The following NADK variants were observed in gnomAD, a reference collection of about 807,000 sequenced individuals.
NADK encodes NAD kinase.
NADK carries 22 observed loss-of-function variants against 49.8 expected under a neutral mutation model. The ratio of observed to expected loss-of-function variants is 0.44; its 90% confidence interval spans 0.32 to 0.63. The LOEUF is 0.63. Among genes scored for constraint, NADK ranks in the 30% least tolerant of loss-of-function variants. The probability of loss-of-function intolerance (pLI) is 0.06; values close to 1 mark genes in which losing one functional copy is unlikely to be tolerated. For missense variants in NADK, 438 were observed against 609.4 expected, an observed-to-expected ratio of 0.72 and a Z score of 2.96; for synonymous variants, 268 against 253.7, an observed-to-expected ratio of 1.06 and a Z score of -0.54.
In NADK at chr1:1,761,940, C is replaced by T. The variant is rs1276361384; in HGVS notation, c.263+12G>A. Reference sequence around the variant, plus strand: ...TTCCAAGAACCCCCCGTCCTGGGGCCCCAGCACTCACATGATGGTCTGGGG... The same window carrying T: ...TTCCAAGAACCCCCCGTCCTGGGGCTCCAGCACTCACATGATGGTCTGGGG... On this transcript the variant is annotated intron_variant, in intron 3 of 11. Transcript: ENST00000341426. 1 of 1,613,698 alleles carries T rather than the reference C, an allele frequency of 6.2e-7. No homozygotes were observed. Among genetic ancestry groups the T allele is most frequent in the Admixed American group, 1.7e-5 (1 of 60,008 alleles).
Position 1,754,013 on chromosome 1 carries a change from G to A in NADK, c.1101+38C>T. On this transcript the variant is annotated intron_variant, in intron 10 of 11. Transcript: ENST00000341426. This position sits in a 1 kb window ranked among gnomAD's most constrained non-coding sequence, Gnocchi z 4.3. Reference sequence around the variant, plus strand: ...GGCTTTGTGTTGCACGGGGTCAAATGACTCACAAACCGGAAAAGGAGTGTC... The same window carrying A: ...GGCTTTGTGTTGCACGGGGTCAAATAACTCACAAACCGGAAAAGGAGTGTC... 6.5e-7 allele frequency: 1 copy of A among 1,538,782 alleles called. No individual in the cohort carries two copies. The highest frequency in any genetic ancestry group is 8.7e-7 in the Non-Finnish European group (1 of 1,145,348).
intron 1 of NADK, among the ~76,000 whole-genome samples, chr1:1,774,805 T>C (rs1196113657): frequency 6.6e-6 from 1 of 152,170 alleles, no homozygotes; most frequent in Non-Finnish European, 1.5e-5. Context: ...AGCATGAATC[T>C]AATTTTAAAA....
At chr1:1,759,305 C>G in intron 3 of NADK, 1 of 1,471,446 alleles carries the variant, frequency 6.8e-7, no homozygotes, top group Non-Finnish European at 9.0e-7. Context: ...ACGGAGAGGG[C>G]AGGGGGTGGC....
chr1:1,773,286 C>T (rs1351603673), intron 1 of NADK, among the ~76,000 whole-genome samples: 1 of 150,868 alleles, frequency 6.6e-6, no homozygotes, highest in East Asian at 2.1e-4. Context: ...ATTACAGGTG[C>T]CCGCCGCCAC....
intron 1 of NADK, among the ~76,000 whole-genome samples, chr1:1,766,652 G>A (rs1466188134): frequency 6.6e-6 from 1 of 151,358 alleles, no homozygotes; most frequent in Non-Finnish European, 1.5e-5. Context: ...AACTGGTGAG[G>A]ATAGAAAACC....
intron 3 of NADK, chr1:1,758,319 A>T: frequency 3.2e-6 from 5 of 1,570,672 alleles, no homozygotes; most frequent in Non-Finnish European, 4.3e-6. Flanking sequence ...AGGGCCACAG[A>T]CCTTAGCCCA....
At chr1:1,778,831 C>A (rs1017497631), upstream of NADK, 1 of 152,078 alleles carries the variant, frequency 6.6e-6, no homozygotes, top group Non-Finnish European at 1.5e-5. This position sits in a 1 kb window ranked among gnomAD's most constrained non-coding sequence, Gnocchi z 4.9. Flanking sequence ...CCCGGCGTCC[C>A]GCCCCCAACT....
At position 1,765,403 on chromosome 1, in the gene NADK, C is replaced by T. The variant is rs945313437; in HGVS notation, c.4G>A (p.Glu2Lys). The T allele has an allele frequency of 6.3e-7, 1 of 1,588,108 alleles. No homozygotes were observed. Among genetic ancestry groups the T allele is most frequent in the Non-Finnish European group, 8.6e-7 (1 of 1,164,506 alleles). Residue 2 changes from glutamate to lysine, a missense_variant, in exon 2 of 12, where the codon GAA (glutamate) becomes AAA (lysine). By Grantham distance (56) the Glu-to-Lys change is moderately conservative (BLOSUM62 1). Coordinates refer to ENST00000341426, the MANE Select transcript of NADK (RefSeq NM_023018.5). ...ATGGTCATTTTTTCTTGTTCCATTTCCATTGTCAGGAAATGAGAACTTCGG... is the reference window on the plus strand; with the variant it reads ...ATGGTCATTTTTTCTTGTTCCATTTTCATTGTCAGGAAATGAGAACTTCGG... M[E>K]MEQEKMTMNK... is the part of the protein sequence containing the mutation.
chr1:1,778,469 C>T lies in NADK; in HGVS notation c.-221G>A, dbSNP rs894804054. 2 of 148,050 alleles carry T rather than the reference C, an allele frequency of 1.4e-5. No homozygotes were observed. The highest frequency in any genetic ancestry group is 6.7e-5 in the Admixed American group (1 of 14,920). The allele number at this position is 148,050 out of a possible 1,614,324, so 9.2% of individuals were successfully genotyped here. On this transcript the variant is annotated 5_prime_UTR_variant, in exon 1 of 12. It adds an upstream start codon to the 5' untranslated region. Coordinates refer to ENST00000341426, the MANE Select transcript of NADK (RefSeq NM_023018.5). This position sits in a 1 kb window ranked among gnomAD's most constrained non-coding sequence, Gnocchi z 4.9. ...AGCAGCAATGCGCCGCGCCCGCCCA[C>T]TGCGCAGGCGCACCCGCCACGCATG...
chr1:1,759,590 A>G, intron 3 of NADK: 1 of 1,009,550 alleles, frequency 9.9e-7, no homozygotes, highest in Non-Finnish European at 1.4e-6. Context: ...ACGGAAGTTC[A>G]GATGCATGGG....
At chr1:1,760,550 G>A (rs146120481) in intron 3 of NADK, among the ~76,000 whole-genome samples, 275 of 152,286 alleles carry the variant, frequency 1.8e-3, no homozygotes, top group Non-Finnish European at 3.1e-3. Context: ...GGCCGCCCCC[G>A]TATCACACGG....
chr1:1,755,062 G>A (rs921920423), intron 7 of NADK, among the ~76,000 whole-genome samples: 10 of 152,054 alleles, frequency 6.6e-5, no homozygotes, highest in African/African-American at 1.7e-4. Context: ...CTCGTGATCC[G>A]CCCGCCTCGA....
At chr1:1,756,056 A>G in intron 6 of NADK, 1 of 609,320 alleles carries the variant, frequency 1.6e-6, no homozygotes, top group Non-Finnish European at 2.9e-6. Context: ...GGCCACCCCC[A>G]GCCGTAGCAC....
Position 1,761,936 on chromosome 1 carries a change from G to C in NADK, c.263+16C>G, listed in dbSNP as rs748905809. The C allele has an allele frequency of 6.2e-7, 1 of 1,613,640 alleles. No individual in the cohort carries two copies. The highest frequency in any genetic ancestry group is 1.7e-5 in the Admixed American group (1 of 60,010). Reference sequence around the variant, plus strand: ...TCCCTTCCAAGAACCCCCCGTCCTGGGGCCCCAGCACTCACATGATGGTCT... The same window carrying C: ...TCCCTTCCAAGAACCCCCCGTCCTGCGGCCCCAGCACTCACATGATGGTCT... On this transcript the variant is annotated intron_variant, in intron 3 of 11. Transcript: ENST00000341426.
At position 1,778,080 on chromosome 1, in the gene NADK, C is replaced by G. The variant is rs1230147220; in HGVS notation, c.-41+209G>C. On this transcript the variant is annotated intron_variant, in intron 1 of 11. Coordinates refer to ENST00000341426, the MANE Select transcript of NADK (RefSeq NM_023018.5). This position sits in a 1 kb window ranked among gnomAD's most constrained non-coding sequence, Gnocchi z 4.9. ...GCCGGACAGCGGCCTCCCTCAGACC[C>G]GTCCCCAAGGCCGAGCCTCGCCCTG... Among the ~76,000 whole-genome samples the G allele has an allele frequency of 2.0e-5, 3 of 152,218 alleles. No homozygotes were observed. The highest frequency in any genetic ancestry group is 6.5e-5 in the Admixed American group (1 of 15,286).
chr1:1,762,568 C>T (rs567254081), intron 2 of NADK, among the ~76,000 whole-genome samples: 2 of 152,166 alleles, frequency 1.3e-5, no homozygotes, highest in South Asian at 4.1e-4. Flanking sequence ...CCAGCCTGGC[C>T]AACATGGTGA....
At position 1,751,854 on chromosome 1, in the gene NADK, C is replaced by T. The variant is rs1039040447; in HGVS notation, c.*1050G>A. On this transcript the variant is annotated 3_prime_UTR_variant, in exon 12 of 12. Transcript: ENST00000341426. ...CTGTGCCCGTGGAAGACGCGGGCGC[C>T]GGGGTAGGCAGCATCCACGTGCTCC... The T allele has an allele frequency of 2.5e-5, 3 of 122,430 alleles. No individual in the cohort carries two copies. The highest frequency in any genetic ancestry group is 9.4e-5 in the Admixed American group (1 of 10,694). The allele number at this position is 122,430 out of a possible 1,614,324, so 7.6% of individuals were successfully genotyped here.
upstream of NADK, chr1:1,780,114 T>C (rs1413054192): frequency 2.6e-5 from 4 of 152,246 alleles, no homozygotes; most frequent in African/African-American, 9.6e-5. Flanking sequence ...CAAACCCAAC[T>C]GTTTCAAAGT....
intron 4 of NADK, chr1:1,756,816 G>T (rs1472961360): frequency 1.1e-6 from 1 of 917,026 alleles, no homozygotes; most frequent in Non-Finnish European, 1.8e-6. Flanking sequence ...CTCCCTCTCA[G>T]GAATTGACTA....
Sources: allele counts gnomAD v4.1 joint callset (sites outside exome capture counted in the v4.1 genomes callset), GRCh38; gene constraint gnomAD v4.1.1; non-coding constraint Gnocchi (gnomAD v3.1); transcripts MANE v1.5; gene names NCBI Gene and HGNC (gene_info 2026-07-23, HGNC 2026-07-21).